DSCAM: variants seen among roughly 807,000 people sequenced by gnomAD.
DSCAM encodes the protein cell adhesion molecule DSCAM.
A neutral mutation model predicts 217.7 loss-of-function variants in DSCAM; 47 were observed. That is an observed-to-expected ratio of 0.22 (90% CI 0.17 to 0.28). The LOEUF is 0.28. Ranked by LOEUF, DSCAM falls within the 10% of genes least tolerant of loss-of-function variation. The pLI is 1.00. For synonymous variants in DSCAM, 1,056 were observed against 1,015.3 expected, an observed-to-expected ratio of 1.04 and a Z score of -0.76; for missense variants, 2,080 against 2,618.3, an observed-to-expected ratio of 0.79 and a Z score of 4.49.
chr21:40,592,006 T>C (rs1013959170), intron 3 of DSCAM, among the ~76,000 whole-genome samples: 1 of 152,156 alleles, frequency 6.6e-6, no homozygotes, highest in Non-Finnish European at 1.5e-5. Flanking sequence ...GCATTCAGAA[T>C]TGCTAAATGT....
At chr21:40,518,197 A>C (rs116403147) in intron 3 of DSCAM, among the ~76,000 whole-genome samples, 1,515 of 145,662 alleles carry the variant, frequency 0.01, 25 homozygotes, top group African/African-American at 0.037. Context: ...GTGCATTCCA[A>C]TGGACCCTTG....
intron 3 of DSCAM, among the ~76,000 whole-genome samples, chr21:40,443,125 T>C (rs540728804): frequency 6.6e-6 from 1 of 152,354 alleles, no homozygotes; most frequent in South Asian, 2.1e-4. Context: ...TCTATATTAG[T>C]GACAGGAAGG....
At chr21:40,587,209 C>T (rs1489971728) in intron 3 of DSCAM, among the ~76,000 whole-genome samples, 2 of 151,984 alleles carry the variant, frequency 1.3e-5, no homozygotes, top group Admixed American at 1.3e-4. Context: ...TGAAAATTAC[C>T]TCAAAATCAT....
chr21:40,338,120 G>A lies in DSCAM; in HGVS notation c.1764C>T (p.Ser588=), dbSNP rs1207742295. 4 of 1,614,132 alleles carry A rather than the reference G, an allele frequency of 2.5e-6. No homozygotes were observed. In the East Asian group the frequency reaches 6.7e-5, roughly 27 times the overall value. ...LVQPQLSTSQ[S]VHVTVKVPPF... is the part of the protein sequence containing the mutation. ...GCTTACCTTTCACGGTCACGTGGACGCTCTGGCTGGTGGAGAGTTGTGGTT... is the reference window on the plus strand; with the variant it reads ...GCTTACCTTTCACGGTCACGTGGACACTCTGGCTGGTGGAGAGTTGTGGTT... The change falls in exon 8 of 33, where the codon AGC becomes AGT. Residue 588 remains serine, a synonymous_variant. Coordinates refer to ENST00000400454, the MANE Select transcript of DSCAM (RefSeq NM_001389.5).
At chr21:40,108,797 C>A (rs1601337346) in intron 20 of DSCAM, among the ~76,000 whole-genome samples, 1 of 152,258 alleles carries the variant, frequency 6.6e-6, no homozygotes, top group South Asian at 2.1e-4. Context: ...GGTACAAGAA[C>A]AGACACATAG....
chr21:40,436,220 T>C (rs1182364470), intron 3 of DSCAM, among the ~76,000 whole-genome samples: 1 of 152,238 alleles, frequency 6.6e-6, no homozygotes, highest in Non-Finnish European at 1.5e-5. Flanking sequence ...AATTAAAGTG[T>C]CTCTGTATCA....
At chr21:40,514,946 A>C (rs2076288218) in intron 3 of DSCAM, among the ~76,000 whole-genome samples, 1 of 152,212 alleles carries the variant, frequency 6.6e-6, no homozygotes, top group Non-Finnish European at 1.5e-5. Flanking sequence ...AGGAAAAGCT[A>C]AACTAATGCA....
intron 1 of DSCAM, among the ~76,000 whole-genome samples, chr21:40,836,097 C>G (rs921588743): frequency 3.3e-5 from 5 of 152,202 alleles, no homozygotes; most frequent in African/African-American, 1.2e-4. Context: ...TAGCTGCAAA[C>G]AGATCCACTC....
intron 4 of DSCAM, among the ~76,000 whole-genome samples, chr21:40,356,604 A>G (rs9980600): frequency 0.51 from 76,941 of 151,818 alleles, 20,579 homozygotes; most frequent in South Asian, 0.65. Flanking sequence ...GCTTCTTTAC[A>G]TCACCTGGAA....
intron 3 of DSCAM, among the ~76,000 whole-genome samples, chr21:40,655,198 A>T (rs2090060403): frequency 6.6e-6 from 1 of 152,152 alleles, no homozygotes; most frequent in Non-Finnish European, 1.5e-5. Context: ...TGCTTAAGGA[A>T]CCTAAAATAT....
intron 4 of DSCAM, among the ~76,000 whole-genome samples, chr21:40,360,123 C>CTT (rs930781270): frequency 1.5e-5 from 1 of 65,446 alleles, no homozygotes; most frequent in Non-Finnish European, 3.3e-5. Context: ...CATAGGTAGT[C>CTT]TTTTTTTTTT....
Position 40,026,471 on chromosome 21 carries a change from G to T in DSCAM, c.5687-13085C>A, listed in dbSNP as rs1002641297. Among the ~76,000 whole-genome samples, 34 of 139,584 alleles carry T rather than the reference G, an allele frequency of 2.4e-4. 1 individual carries two copies. The highest frequency in any genetic ancestry group is 8.7e-4 in the African/African-American group (32 of 36,728). 91.6% of individuals were successfully genotyped at this position (139,584 alleles called of 152,430 possible). ...TGATCTGTCTAATGTTGACAGTGGGGTGTTAAAGTCTCCCATTATTAATGT... is the reference window on the plus strand; with the variant it reads ...TGATCTGTCTAATGTTGACAGTGGGTTGTTAAAGTCTCCCATTATTAATGT... On this transcript the variant is annotated intron_variant, in intron 32 of 32. Transcript: ENST00000400454.
chr21:40,155,706 C>T (rs2090468642), intron 16 of DSCAM, among the ~76,000 whole-genome samples: 1 of 152,106 alleles, frequency 6.6e-6, no homozygotes. Context: ...GAGGGCCAAT[C>T]ATGATCCAAC....
At position 40,494,857 on chromosome 21, in the gene DSCAM, G is replaced by A. The variant is rs79805412; in HGVS notation, c.509-125612C>T. Among the ~76,000 whole-genome samples the A allele has an allele frequency of 2.0e-3, 290 of 148,032 alleles. 2 individuals are homozygous for A. Among genetic ancestry groups the A allele is most frequent in the African/African-American group, 6.9e-3 (279 of 40,438 alleles). On this transcript the variant is annotated intron_variant, in intron 3 of 32. Coordinates refer to ENST00000400454, the MANE Select transcript of DSCAM (RefSeq NM_001389.5). ...TTTTCAAAAATAGAACCAACAAATC[G>A]TTAGCTAGACTAAGAAAAAAAGAAG...
rs11286508 is a variant in DSCAM, at chr21:40,179,184, CAAAAAAAAAAAAAA to C, written c.2780-104_2780-91del. 1.2e-3 allele frequency: 123 copies of C among 102,582 alleles called. 1 individual carries two copies. The highest frequency in any genetic ancestry group is 4.6e-3 in the African/African-American group (85 of 18,446). The allele number at this position is 102,582 out of a possible 1,614,324, so 6.4% of individuals were successfully genotyped here. A position where few individuals can be genotyped will look rare whatever the true frequency, so the allele number is the denominator to read the frequency against. On this transcript the variant is annotated intron_variant, in intron 14 of 32. Coordinates refer to ENST00000400454, the MANE Select transcript of DSCAM (RefSeq NM_001389.5). ...AAGTTCACAAGTAGGAATTAAAAAC[CAAAAAAAAAAAAAA>C]AAAAAAAAAAAGACGGAAAGAAAGA...
chr21:40,014,630 G>T (rs995068670), intron 32 of DSCAM, among the ~76,000 whole-genome samples: 1 of 152,070 alleles, frequency 6.6e-6, no homozygotes, highest in Non-Finnish European at 1.5e-5. Context: ...GCAGCCTGAC[G>T]TGCCTCCAAC....
intron 3 of DSCAM, among the ~76,000 whole-genome samples, chr21:40,394,827 C>A (rs1038730231): frequency 1.3e-5 from 2 of 152,070 alleles, no homozygotes; most frequent in Non-Finnish European, 1.5e-5. Flanking sequence ...AGACTTGGAT[C>A]CTTTGTGTGT....
At chr21:40,064,656 G>T (rs2089179327) in intron 27 of DSCAM, among the ~76,000 whole-genome samples, 1 of 152,146 alleles carries the variant, frequency 6.6e-6, no homozygotes, top group African/African-American at 2.4e-5. Flanking sequence ...CATGGGACGT[G>T]GGGAGCTTTG....
At chr21:40,459,116 T>C (rs944910938) in intron 3 of DSCAM, among the ~76,000 whole-genome samples, 3 of 151,500 alleles carry the variant, frequency 2.0e-5, no homozygotes, top group Non-Finnish European at 4.4e-5. Flanking sequence ...AAGGAACAAG[T>C]TAATAAAATC....
Sources: allele counts gnomAD v4.1 joint callset (sites outside exome capture counted in the v4.1 genomes callset), GRCh38; gene constraint gnomAD v4.1.1; transcripts MANE v1.5; gene names NCBI Gene and HGNC (gene_info 2026-07-23, HGNC 2026-07-21).